C6orf132: variants seen among roughly 807,000 people sequenced by gnomAD.
C6orf132 encodes chromosome 6 open reading frame 132, also known as uncharacterized protein C6orf132.
In C6orf132, 43 loss-of-function variants were observed where a neutral mutation model predicts 65.3. That is an observed-to-expected ratio of 0.66 (90% CI 0.52 to 0.85). The LOEUF is 0.85. Among genes scored for constraint, C6orf132 ranks in the 40% least tolerant of loss-of-function variants. C6orf132 has a pLI of 0.00. For missense variants in C6orf132, 1,488 were observed against 1,548.8 expected, an observed-to-expected ratio of 0.96 and a Z score of 0.66; for synonymous variants, 631 against 654.1, an observed-to-expected ratio of 0.96 and a Z score of 0.54.
chr6:42,133,518 AAG>A (rs1292357731), intron 1 of C6orf132, among the ~76,000 whole-genome samples: 2 of 152,274 alleles, frequency 1.3e-5, no homozygotes, highest in East Asian at 1.9e-4. Context: ...CTTCCAGAGA[AAG>A]AGAGTCCTGG....
chr6:42,140,858 C>T (rs1487312916), intron 1 of C6orf132, among the ~76,000 whole-genome samples: 1 of 152,212 alleles, frequency 6.6e-6, no homozygotes, highest in Non-Finnish European at 1.5e-5. Flanking sequence ...TTCCATGGTG[C>T]CTCCGTTGAG....
intron 2 of C6orf132, chr6:42,126,847 C>CAAAA (rs35231653): frequency 5.2e-3 from 1,810 of 347,920 alleles, no homozygotes; most frequent in Non-Finnish European, 5.9e-3. Context: ...ACTCAGTCTG[C>CAAAA]AAAAAAAAAA....
intron 2 of C6orf132, among the ~76,000 whole-genome samples, chr6:42,121,667 G>T (rs962659524): frequency 2.0e-5 from 3 of 152,242 alleles, no homozygotes; most frequent in Non-Finnish European, 4.4e-5. Context: ...AGCCAGCTCG[G>T]AGTCTTAGCT....
chr6:42,115,972 C>T (rs1319441259), intron 2 of C6orf132, among the ~76,000 whole-genome samples: 1 of 146,678 alleles, frequency 6.8e-6, no homozygotes, highest in Non-Finnish European at 1.5e-5. Flanking sequence ...CTGTGTCGCC[C>T]AGGCTGGAGT....
Position 42,104,957 on chromosome 6 carries a change from G to A in C6orf132, c.2955C>T (p.Val985=). 6.7e-7 allele frequency: 1 copy of A among 1,484,742 alleles called. No homozygotes were observed. Among genetic ancestry groups the A allele is most frequent in the South Asian group, 1.3e-5 (1 of 76,734 alleles). 92.0% of individuals were successfully genotyped at this position (1,484,742 alleles called of 1,614,324 possible). ...EEEEEEFNFE[V]IPPPPEFSND... ...TGCTGAACTCTGGCGGCGGTGGGAT[G>A]ACCTCGAAGTTGAACTCCTCCTCCT... Residue 985 remains valine (V), a synonymous_variant, in exon 4 of 5, where the codon GTC becomes GTT. Coordinates refer to ENST00000341865, the MANE Select transcript of C6orf132 (RefSeq NM_001164446.3). The surrounding 1 kb of genome is among the most constrained non-coding windows in gnomAD (Gnocchi z 4.1).
chr6:42,115,019 A>T (rs1324446155), intron 2 of C6orf132, among the ~76,000 whole-genome samples: 2 of 146,696 alleles, frequency 1.4e-5, no homozygotes, highest in Non-Finnish European at 3.0e-5. Flanking sequence ...AAAAAAAAAA[A>T]GCCGGGCATG....
Position 42,106,486 on chromosome 6 carries a change from C to T in C6orf132, c.1426G>A (p.Ala476Thr). 9 of 1,536,468 alleles carry T rather than the reference C, an allele frequency of 5.9e-6. No individual in the cohort carries two copies. Among genetic ancestry groups the T allele is most frequent in the Non-Finnish European group, 7.8e-6 (9 of 1,146,864 alleles). Residue 476 changes from alanine (A) to threonine (T), a missense_variant, in exon 4 of 5, where the codon GCC (alanine) becomes ACC (threonine). By Grantham distance (58) the Ala-to-Thr change is moderately conservative. Coordinates refer to ENST00000341865, the MANE Select transcript of C6orf132 (RefSeq NM_001164446.3). Reference protein sequence around the residue: ...QMEKLRNELAAYLCGSRREDR... With the variant: ...QMEKLRNELATYLCGSRREDR... ...TCTCTCCTGGAGCCACAGAGATAGG[C>T]TGCCAGCTCGTTCCGCAGCTTTTCC...
rs1424672130 is a variant in C6orf132 at position 42,131,457 on chromosome 6, G to A, written c.146-2679C>T. Among the ~76,000 whole-genome samples, 9 of 152,230 alleles carry A rather than the reference G, an allele frequency of 5.9e-5. No individual in the cohort carries two copies. The East Asian group carries it at 1.7e-3, about 29-fold the overall frequency. ...AGATGAGGAAACTGAGGCACAAGGA[G>A]GTCAAATAACTTGCCCAAAGACTCA... On this transcript the variant is annotated intron_variant, in intron 1 of 4. Transcript: ENST00000341865.
At chr6:42,139,912 A>T (rs1385737883) in intron 1 of C6orf132, among the ~76,000 whole-genome samples, 1 of 152,152 alleles carries the variant, frequency 6.6e-6, no homozygotes, top group Non-Finnish European at 1.5e-5. Context: ...AACAGAAGAA[A>T]AAATTGAGGC....
At chr6:42,118,975 G>A (rs1458640877) in intron 2 of C6orf132, among the ~76,000 whole-genome samples, 5 of 133,896 alleles carry the variant, frequency 3.7e-5, no homozygotes, top group Admixed American at 8.6e-5. Context: ...CTGAGCTCCT[G>A]TAATCCCAGC....
rs1002239130 is a variant in C6orf132 at position 42,103,777 on chromosome 6, C to T, written c.3551G>A (p.Arg1184Gln). 1 of 1,426,184 alleles carries T rather than the reference C, an allele frequency of 7.0e-7. No homozygotes were observed. Among genetic ancestry groups the T allele is most frequent in the Non-Finnish European group, 9.2e-7 (1 of 1,089,300 alleles). The allele number at this position is 1,426,184 out of a possible 1,614,324, so 88.3% of individuals were successfully genotyped here. The part of the protein sequence containing the change: ...PISYVCSGAH[R>Q]KATS ...ACCCCTGGCTCAGGAGGTGGCTTTC[C>T]GATGGGCCCCTGAGCAGACATAGGA... Residue 1184 changes from arginine (R) to glutamine (Q), a missense_variant, in exon 5 of 5, where the codon CGG becomes CAG. By Grantham distance (43) the Arg-to-Gln change is conservative (BLOSUM62 1). Coordinates refer to ENST00000341865, the MANE Select transcript of C6orf132 (RefSeq NM_001164446.3).
chr6:42,141,541 G>A (rs768243790), intron 1 of C6orf132, among the ~76,000 whole-genome samples: 9 of 152,230 alleles, frequency 5.9e-5, no homozygotes, highest in African/African-American at 1.2e-4. Flanking sequence ...TGCTTTTAGA[G>A]GCCTGCAGAG....
intron 2 of C6orf132, among the ~76,000 whole-genome samples, chr6:42,111,278 A>ATTT (rs61241413): frequency 0.019 from 2,250 of 119,908 alleles, 83 homozygotes; most frequent in African/African-American, 0.041. Flanking sequence ...TTCCTGGCTA[A>ATTT]TTTTTTTTTT....
At chr6:42,118,529 G>A (rs550712780) in intron 2 of C6orf132, among the ~76,000 whole-genome samples, 4 of 152,216 alleles carry the variant, frequency 2.6e-5, no homozygotes, top group East Asian at 1.9e-4. Context: ...ATGGCCCTCC[G>A]AGTGTGGCAG....
intron 1 of C6orf132, among the ~76,000 whole-genome samples, chr6:42,141,748 T>C (rs1430172203): frequency 6.6e-6 from 1 of 152,158 alleles, no homozygotes. Context: ...CAGCTGCGCC[T>C]GTTGTTTTTT....
intron 1 of C6orf132, among the ~76,000 whole-genome samples, chr6:42,133,831 G>A (rs1766896080): frequency 8.4e-6 from 1 of 118,440 alleles, no homozygotes; most frequent in South Asian, 2.4e-4. Flanking sequence ...GGCGGGGGCG[G>A]GGCGGGGCGG....
Position 42,105,474 on chromosome 6 carries a change from G to A in C6orf132, c.2438C>T (p.Pro813Leu), listed in dbSNP as rs1766384075. ...VKEPPGLPAK[P>L]PASAQPTDEL... ...ATCAGTGGGCTGGGCCGAGGCAGGA[G>A]GCTTGGCTGGCAGCCCTGGGGGCTC... Residue 813 changes from proline to leucine, a missense_variant, in exon 4 of 5, where the codon CCT becomes CTT. Physicochemically the swap from Pro to Leu is moderately conservative, Grantham distance 98. Transcript: ENST00000341865. 6.5e-7 allele frequency: 1 copy of A among 1,533,760 alleles called. No homozygotes were observed. Among genetic ancestry groups the A allele is most frequent in the Non-Finnish European group, 8.7e-7 (1 of 1,145,172 alleles).
At chr6:42,108,378 T>C (rs1263153438) in intron 3 of C6orf132, among the ~76,000 whole-genome samples, 1 of 152,100 alleles carries the variant, frequency 6.6e-6, no homozygotes, top group Non-Finnish European at 1.5e-5. Context: ...AGGCCTCCAG[T>C]AGGCATTTAA....
chr6:42,106,476 CAG>C lies in C6orf132; in HGVS notation c.1434_1435del (p.Cys479TrpfsTer32). 6.5e-7 allele frequency: 1 copy of C among 1,536,412 alleles called. No homozygotes were observed. The highest frequency in any genetic ancestry group is 8.7e-7 in the Non-Finnish European group (1 of 1,146,844). ...GAATCGGTCCTCTCTCCTGGAGCCA[CAG>C]AGATAGGCTGCCAGCTCGTTCCGCA... On this transcript the variant is annotated frameshift_variant, in exon 4 of 5. Transcript: ENST00000341865. LOFTEE classifies it high-confidence loss of function.
Sources: gnomAD v4.1 joint callset for allele counts (sites outside exome capture counted in the v4.1 genomes callset) on GRCh38, gnomAD v4.1.1 for gene constraint, Gnocchi (gnomAD v3.1) non-coding constraint, MANE v1.5 for transcripts, NCBI Gene and HGNC (gene_info 2026-07-23, HGNC 2026-07-21) for gene names.